Variants in OSBPL8 observed in about 807,000 individuals in gnomAD.
OSBPL8 encodes oxysterol-binding protein-related protein 8.
In OSBPL8, 59 loss-of-function variants were observed where a neutral mutation model predicts 125.5. The ratio of observed to expected loss-of-function variants is 0.47; its 90% CI spans 0.38 to 0.58. The LOEUF (loss-of-function observed/expected upper bound fraction) is 0.58, where lower values mean the gene tolerates loss of function less well. Among genes scored for constraint, OSBPL8 ranks in the 20% least tolerant of loss-of-function variants. The pLI, the probability that OSBPL8 is intolerant of heterozygous loss-of-function variation, is 0.00. For missense variants in OSBPL8, 758 were observed against 1,047.8 expected (o/e 0.72, Z 3.82); for synonymous variants, 330 against 338.9 (o/e 0.97, Z 0.29).
intron 8 of OSBPL8, among the ~76,000 whole-genome samples, chr12:76,397,202 ATT>A (rs34719825): frequency 2.1e-4 from 32 of 150,360 alleles, no homozygotes; most frequent in South Asian, 6.3e-4. Flanking sequence ...ATTAAAAAAA[ATT>A]TTTTTTTTTA....
chr12:76,525,036 T>G (rs1234802597), intron 1 of OSBPL8, among the ~76,000 whole-genome samples: 1 of 152,114 alleles, frequency 6.6e-6, no homozygotes, highest in Non-Finnish European at 1.5e-5. Flanking sequence ...CTCCAGGCTG[T>G]GGTAAACTAC....
At chr12:76,427,568 G>C (rs1428688030) in intron 4 of OSBPL8, among the ~76,000 whole-genome samples, 1 of 151,422 alleles carries the variant, frequency 6.6e-6, no homozygotes, top group African/African-American at 2.4e-5. Flanking sequence ...AATTTTAATG[G>C]CAACTGTTCC....
intron 1 of OSBPL8, among the ~76,000 whole-genome samples, chr12:76,508,542 T>A (rs916597655): frequency 4.6e-5 from 7 of 151,978 alleles, no homozygotes; most frequent in Non-Finnish European, 8.8e-5. Context: ...TCCCAGGAGG[T>A]GAGGCGTTCT....
chr12:76,364,811 T>G (rs1952353130), intron 21 of OSBPL8, among the ~76,000 whole-genome samples: 1 of 152,196 alleles, frequency 6.6e-6, no homozygotes, highest in South Asian at 2.1e-4. Flanking sequence ...GAGAGTCCTC[T>G]TTATACTTCT....
chr12:76,362,750 T>C (rs909405489), intron 21 of OSBPL8, among the ~76,000 whole-genome samples: 1 of 152,228 alleles, frequency 6.6e-6, no homozygotes, highest in African/African-American at 2.4e-5. Flanking sequence ...TTGTCTCTGT[T>C]TGCAGATGAC....
At chr12:76,378,393 T>C in intron 16 of OSBPL8, 59 bp downstream of exon 16, 1 of 1,159,026 alleles carries the variant, frequency 8.6e-7, no homozygotes, top group Non-Finnish European at 1.2e-6. Context: ...AAATCACAGC[T>C]ACATACATTT....
chr12:76,502,825 G>A (rs7973185), intron 1 of OSBPL8, among the ~76,000 whole-genome samples: 1,581 of 152,218 alleles, frequency 0.01, 36 homozygotes, highest in African/African-American at 0.037. Flanking sequence ...CTACAATTAC[G>A]TGATCAGTTA....
intron 3 of OSBPL8, among the ~76,000 whole-genome samples, chr12:76,457,392 A>G (rs1874187540): frequency 1.3e-5 from 2 of 152,222 alleles, no homozygotes; most frequent in Non-Finnish European, 2.9e-5. Flanking sequence ...TAAAGTAGTA[A>G]GAAAATAAAC....
At chr12:76,499,831 T>A (rs1001676999) in intron 1 of OSBPL8, among the ~76,000 whole-genome samples, 4 of 149,320 alleles carry the variant, frequency 2.7e-5, no homozygotes, top group African/African-American at 1.0e-4. Context: ...CCAGCCTGGG[T>A]GGCAAAGCGA....
intron 21 of OSBPL8, 68 bp from the exon 22 acceptor site, chr12:76,358,879 T>A: frequency 8.4e-7 from 1 of 1,186,214 alleles, no homozygotes; most frequent in South Asian, 1.2e-5. Flanking sequence ...CTGTGTACAA[T>A]TGTCAAAATT....
chr12:76,523,299 C>T (rs1467858285), intron 1 of OSBPL8, among the ~76,000 whole-genome samples: 2 of 152,096 alleles, frequency 1.3e-5, no homozygotes, highest in Non-Finnish European at 2.9e-5. Flanking sequence ...GTTCTTTCCA[C>T]ATTTCTAAAG....
intron 1 of OSBPL8, among the ~76,000 whole-genome samples, chr12:76,509,962 A>G (rs1880809991): frequency 6.6e-6 from 1 of 152,242 alleles, no homozygotes; most frequent in South Asian, 2.1e-4. Flanking sequence ...AAAGGTAGGT[A>G]GATATTCCCA....
At chr12:76,418,221 T>C (rs185978074) in intron 4 of OSBPL8, among the ~76,000 whole-genome samples, 1 of 151,974 alleles carries the variant, frequency 6.6e-6, no homozygotes. Flanking sequence ...GTCAGGCTGG[T>C]CTTGAACTCT....
At chr12:76,413,143 A>G (rs1424558614) in intron 4 of OSBPL8, among the ~76,000 whole-genome samples, 1 of 152,214 alleles carries the variant, frequency 6.6e-6, no homozygotes, top group Non-Finnish European at 1.5e-5. Context: ...AATACAGCAC[A>G]TCTTCAGAAA....
chr12:76,509,417 T>C (rs1880756302), intron 1 of OSBPL8, among the ~76,000 whole-genome samples: 1 of 152,130 alleles, frequency 6.6e-6, no homozygotes, highest in Non-Finnish European at 1.5e-5. Context: ...AATGAGAGAT[T>C]ATATACATGT....
intron 21 of OSBPL8, among the ~76,000 whole-genome samples, chr12:76,361,214 T>TA (rs1952192629): frequency 6.6e-6 from 1 of 152,214 alleles, no homozygotes; most frequent in African/African-American, 2.4e-5. Context: ...CCAGATACCC[T>TA]AAATCATCTC....
chr12:76,502,337 C>T (rs936472916), intron 1 of OSBPL8, among the ~76,000 whole-genome samples: 2 of 152,098 alleles, frequency 1.3e-5, no homozygotes, highest in Non-Finnish European at 2.9e-5. Flanking sequence ...AGGTCTTAAT[C>T]CAAAGAGAGG....
At chr12:76,436,366 AT>A (rs1259185821) in intron 4 of OSBPL8, among the ~76,000 whole-genome samples, 2 of 152,134 alleles carry the variant, frequency 1.3e-5, no homozygotes, top group Non-Finnish European at 2.9e-5. Flanking sequence ...AAATGTAAGA[AT>A]TTTCACATCT....
At chr12:76,531,980 T>C (rs1279959743) in intron 1 of OSBPL8, among the ~76,000 whole-genome samples, 1 of 137,826 alleles carries the variant, frequency 7.3e-6, no homozygotes, top group Non-Finnish European at 1.5e-5. Context: ...GAGCTTGCAG[T>C]GAGCCGAGAT....
Sources: allele counts gnomAD v4.1 joint callset (sites outside exome capture counted in the v4.1 genomes callset), GRCh38; gene constraint gnomAD v4.1.1; transcripts MANE v1.5; gene names NCBI Gene and HGNC (gene_info 2026-07-23, HGNC 2026-07-21).